The following UBQLN4 variants were observed in gnomAD, a reference collection of about 807,000 sequenced individuals.
The protein encoded by UBQLN4 is ubiquilin 4, also known as ubiquilin-4.
UBQLN4 carries 11 observed loss-of-function variants against 60.4 expected under a neutral mutation model. The ratio of observed to expected loss-of-function variants is 0.18; its 90% confidence interval spans 0.11 to 0.30. The LOEUF is 0.30. Among genes scored for constraint, UBQLN4 ranks in the 10% least tolerant of loss-of-function variants. The pLI is 1.00. For synonymous variants in UBQLN4, 258 were observed against 313.1 expected, an observed-to-expected ratio of 0.82 and a Z score of 1.86; for missense variants, 417 against 795.5, an observed-to-expected ratio of 0.52 and a Z score of 5.72.
intron 1 of UBQLN4, among the ~76,000 whole-genome samples, chr1:156,052,915 TAA>T (rs1683912627): frequency 6.6e-6 from 1 of 152,074 alleles, no homozygotes; most frequent in South Asian, 2.1e-4. Context: ...ACACTTTAAG[TAA>T]AAACAGTGCA....
Position 156,041,674 on chromosome 1 carries a change from G to C in UBQLN4, c.1467-3C>G. 2 of 1,523,376 alleles carry C rather than the reference G, an allele frequency of 1.3e-6. No individual in the cohort carries two copies. Among genetic ancestry groups the C allele is most frequent in the Non-Finnish European group, 1.8e-6 (2 of 1,136,616 alleles). 94.4% of individuals were successfully genotyped at this position (1,523,376 alleles called of 1,614,324 possible). A position where few individuals can be genotyped will look rare whatever the true frequency, so the allele number is the denominator to read the frequency against. ...GGGATATCCCAAAGGAGCCAAGGCT[G>C]TAGGCAAGAGAGACCAAGAGGTAGG... On this transcript the variant is annotated splice_polypyrimidine_tract_variant and splice_region_variant and intron_variant, in intron 9 of 10. Transcript: ENST00000368309.
At chr1:156,038,697 T>G (rs184192624) in intron 10 of UBQLN4, among the ~76,000 whole-genome samples, 139 of 152,258 alleles carry the variant, frequency 9.1e-4, no homozygotes, top group Middle Eastern at 3.4e-3. Flanking sequence ...AAAAAAATTT[T>G]TTTAGCAGAG....
Position 156,050,201 on chromosome 1 carries a change from A to G in UBQLN4, c.741+90T>C. 3 of 1,472,210 alleles carry G rather than the reference A, an allele frequency of 2.0e-6. No individual in the cohort carries two copies. Among genetic ancestry groups the G allele is most frequent in the Non-Finnish European group, 1.8e-6 (2 of 1,106,326 alleles). 91.2% of individuals were successfully genotyped at this position (1,472,210 alleles called of 1,614,324 possible). ...TTCAAAACTGCTGAATACACGAATG[A>G]ACAAATCAATGTAGGACAAAGTAGG... is the stretch of plus-strand genomic sequence containing the variant. On this transcript the variant is annotated intron_variant, in intron 4 of 10. Coordinates refer to ENST00000368309, the MANE Select transcript of UBQLN4 (RefSeq NM_020131.5). The surrounding 1 kb of genome is among the most constrained non-coding windows in gnomAD (Gnocchi z 4.6).
In UBQLN4 at chr1:156,036,342, C is replaced by T; in HGVS notation, c.*636G>A. On this transcript the variant is annotated 3_prime_UTR_variant, in exon 11 of 11. Transcript: ENST00000368309. ...GGGCTGCTCCAGCGTTTGTTAATTC[C>T]TGTCCAGAGAGCTGTCTCATCTCCC... is the stretch of plus-strand genomic sequence containing the variant. The T allele has an allele frequency of 1.0e-6, 1 of 985,646 alleles. No homozygotes were observed. The highest frequency in any genetic ancestry group is 1.2e-6 in the Non-Finnish European group (1 of 830,004). 61.1% of individuals were successfully genotyped at this position (985,646 alleles called of 1,614,324 possible). A position where few individuals can be genotyped will look rare whatever the true frequency, so the allele number is the denominator to read the frequency against.
At chr1:156,042,456 G>A in intron 7 of UBQLN4, 1 of 1,397,582 alleles carries the variant, frequency 7.2e-7, no homozygotes. Flanking sequence ...TCAGCCCTGG[G>A]TCTGATGATG....
chr1:156,032,373 C>A (rs893699310), downstream of UBQLN4, among the ~76,000 whole-genome samples: 16 of 150,486 alleles, frequency 1.1e-4, no homozygotes, highest in African/African-American at 3.7e-4. Flanking sequence ...TGGCCGGGCG[C>A]GATGGCTCAC....
Position 156,041,925 on chromosome 1 carries a change from C to A in UBQLN4, c.1413G>T (p.Gln471His). Reference protein sequence around the residue: ...TNPRAMQALLQIQQGLQTLQT... With the variant: ...TNPRAMQALLHIQQGLQTLQT... ...GCAAGGTCTGTAGTCCCTGCTGGAT[C>A]TGCAGCAATGCCTGCATGGCTCGGG... is the stretch of plus-strand genomic sequence containing the variant. The change falls in exon 9 of 11, where the codon CAG becomes CAT. Residue 471 changes from glutamine to histidine, a missense_variant. By Grantham distance (24) the Gln-to-His change is conservative. Transcript: ENST00000368309. 6 of 1,614,090 alleles carry A rather than the reference C, an allele frequency of 3.7e-6. No individual in the cohort carries two copies. The highest frequency in any genetic ancestry group is 5.1e-6 in the Non-Finnish European group (6 of 1,180,014).
intron 10 of UBQLN4, among the ~76,000 whole-genome samples, chr1:156,038,812 C>CTTTTTT (rs536553162): frequency 7.5e-6 from 1 of 133,148 alleles, no homozygotes; most frequent in Admixed American, 7.8e-5. Flanking sequence ...AGGTCTTCTT[C>CTTTTTT]TTTTTTTTTT....
chr1:156,047,285 C>A (rs1451837456), intron 5 of UBQLN4, among the ~76,000 whole-genome samples: 2 of 150,100 alleles, frequency 1.3e-5, no homozygotes, highest in Admixed American at 1.3e-4. Flanking sequence ...ACTCTGTCGC[C>A]CAGGCTAGAG....
rs764268537 is a variant in UBQLN4 at position 156,050,284 on chromosome 1, T to C, written c.741+7A>G. 2.6e-6 allele frequency: 4 copies of C among 1,558,402 alleles called. No homozygotes were observed. Among genetic ancestry groups the C allele is most frequent in the East Asian group, 2.3e-5 (1 of 44,182 alleles). On this transcript the variant is annotated splice_region_variant and intron_variant, in intron 4 of 10. Transcript: ENST00000368309. This position sits in a 1 kb window ranked among gnomAD's most constrained non-coding sequence, Gnocchi z 4.6. ...GTCCTCCAGCTCTCCAGCCCTCTCA[T>C]ACTCACCTGCCTCATGAGTTCAGGG... is the stretch of plus-strand genomic sequence containing the variant.
chr1:156,036,200 T>C lies in UBQLN4; in HGVS notation c.*778A>G, dbSNP rs35996362. ...TGGATTCTTCTGCCTAAAAGAGCTA[T>C]GAGTGCTTCTGCTCCCCACTGTTAA... On this transcript the variant is annotated 3_prime_UTR_variant, in exon 11 of 11. Coordinates refer to ENST00000368309, the MANE Select transcript of UBQLN4 (RefSeq NM_020131.5). The C allele has an allele frequency of 1.0e-6, 1 of 985,646 alleles. No individual in the cohort carries two copies. The highest frequency in any genetic ancestry group is 1.2e-6 in the Non-Finnish European group (1 of 829,962). 61.1% of individuals were successfully genotyped at this position (985,646 alleles called of 1,614,324 possible).
At position 156,047,405 on chromosome 1, in the gene UBQLN4, G is replaced by A. The variant is rs533876512; in HGVS notation, c.900+1096C>T. 1.4e-3 allele frequency among the ~76,000 whole-genome samples: 216 copies of A among 151,378 alleles called. 1 individual carries two copies. Among genetic ancestry groups the A allele is most frequent in the African/African-American group, 4.3e-3 (178 of 41,342 alleles). ...ACTACAGGCATGTGCCATCATGCCC[G>A]GCTAATTTTTTGTATTTTTAGTAGA... is the stretch of plus-strand genomic sequence containing the variant. On this transcript the variant is annotated intron_variant, in intron 5 of 10. Coordinates refer to ENST00000368309, the MANE Select transcript of UBQLN4 (RefSeq NM_020131.5).
chr1:156,052,787 A>G (rs1257150711), intron 1 of UBQLN4, among the ~76,000 whole-genome samples: 2 of 152,234 alleles, frequency 1.3e-5, no homozygotes, highest in Non-Finnish European at 2.9e-5. Flanking sequence ...GGGAACATAC[A>G]GTATTTAAAT....
chr1:156,042,168 T>G lies in UBQLN4; in HGVS notation c.1335A>C (p.Pro445=). 1 of 1,606,830 alleles carries G rather than the reference T, an allele frequency of 6.2e-7. No individual in the cohort carries two copies. ...QLQEQLRLQL[P]VFLQQMQNPE... ...CCTCACTCACCTGCTGCAGGAAGAC[T>G]GGGAGCTGCAGGCGGAGCTGCTCCT... Residue 445 remains proline (P), a synonymous_variant, in exon 8 of 11, where the codon CCA becomes CCC. Coordinates refer to ENST00000368309, the MANE Select transcript of UBQLN4 (RefSeq NM_020131.5).
Position 156,048,575 on chromosome 1 carries a change from G to C in UBQLN4, c.826C>G (p.Pro276Ala). Reference sequence around the variant, plus strand: ...CGGCGGAGGGCATTATACCCTCCAGGGATGCTCTCAAGGTTGCTCAGGGCC... The same window carrying C: ...CGGCGGAGGGCATTATACCCTCCAGCGATGCTCTCAAGGTTGCTCAGGGCC... The part of the protein sequence containing the change: ...DRALSNLESI[P>A]GGYNALRRMY... Residue 276 changes from proline (P) to alanine (A), a missense_variant, in exon 5 of 11, where the codon CCT becomes GCT. Coordinates refer to ENST00000368309, the MANE Select transcript of UBQLN4 (RefSeq NM_020131.5). This position sits in a 1 kb window ranked among gnomAD's most constrained non-coding sequence, Gnocchi z 4.9. 6.2e-7 allele frequency: 1 copy of C among 1,614,074 alleles called. No homozygotes were observed. Among genetic ancestry groups the C allele is most frequent in the Non-Finnish European group, 8.5e-7 (1 of 1,179,976 alleles).
Sources: allele counts gnomAD v4.1 joint callset (sites outside exome capture counted in the v4.1 genomes callset), GRCh38; gene constraint gnomAD v4.1.1; non-coding constraint Gnocchi (gnomAD v3.1); transcripts MANE v1.5; gene names NCBI Gene and HGNC (gene_info 2026-07-23, HGNC 2026-07-21).